MOB4: variants seen among roughly 807,000 people sequenced by gnomAD.
MOB4 encodes the protein MOB family member 4, phocein.
In MOB4, 4 loss-of-function variants were observed where a neutral mutation model predicts 32.2. That is an observed-to-expected ratio of 0.12 (90% confidence interval 0.06 to 0.28). MOB4 has a LOEUF of 0.28. Among genes scored for constraint, MOB4 ranks in the 10% least tolerant of loss-of-function variants. The pLI, the probability that MOB4 is intolerant of heterozygous loss-of-function variation, is 1.00. For synonymous variants in MOB4, 88 were observed against 88.1 expected (o/e 1.00, Z 0.01); for missense variants, 158 against 271.2 (o/e 0.58, Z 2.93).
Position 197,550,517 on chromosome 2 carries a change from T to C in MOB4, c.549T>C (p.Asn183=), listed in dbSNP as rs1224968499. The change falls in exon 8 of 8, where the codon AAT becomes AAC. Residue 183 remains asparagine, a splice_region_variant and synonymous_variant. Coordinates refer to ENST00000323303, the MANE Select transcript of MOB4 (RefSeq NM_015387.5). The stretch of plus-strand genomic sequence containing the variant: ...CATTTTTGTCTTCCTCTCTACAGAA[T>C]GAAACATTTTTGTGTCATCGGTTTA... The part of the protein sequence containing the change: ...HHRQIFDEYE[N]ETFLCHRFTK... 1 of 1,595,962 alleles carries C rather than the reference T, an allele frequency of 6.3e-7. No homozygotes were observed. Among genetic ancestry groups the C allele is most frequent in the East Asian group, 2.2e-5 (1 of 44,568 alleles).
chr2:197,517,115 A>G (rs1414972676), intron 1 of MOB4, among the ~76,000 whole-genome samples: 1 of 152,226 alleles, frequency 6.6e-6, no homozygotes, highest in East Asian at 1.9e-4. Flanking sequence ...AATTATGGAA[A>G]GAACACCTTT....
At chr2:197,548,450 T>C (rs1489092624) in intron 6 of MOB4, 35 bp downstream of exon 6, 1 of 1,413,220 alleles carries the variant, frequency 7.1e-7, no homozygotes, top group Non-Finnish European at 9.4e-7. Flanking sequence ...GTTAAACATT[T>C]TAGAGTTAAT....
intron 5 of MOB4, among the ~76,000 whole-genome samples, chr2:197,543,007 TAC>T (rs1491014851): frequency 6.8e-6 from 1 of 146,898 alleles, no homozygotes; most frequent in Non-Finnish European, 1.5e-5. Context: ...ACAAAATAAA[TAC>T]TGGATTTCGA....
intron 5 of MOB4, among the ~76,000 whole-genome samples, chr2:197,543,333 A>G (rs1296032050): frequency 6.6e-6 from 1 of 152,152 alleles, no homozygotes; most frequent in Non-Finnish European, 1.5e-5. Flanking sequence ...ACATGAAAAG[A>G]TGCTCAACAT....
intron 2 of MOB4, among the ~76,000 whole-genome samples, chr2:197,526,200 GT>G (rs2106110893): frequency 6.6e-6 from 1 of 152,256 alleles, no homozygotes; most frequent in South Asian, 2.1e-4. Context: ...TTATATTGAA[GT>G]TGTTTCCTTT....
chr2:197,543,185 TA>T (rs2086928767), intron 5 of MOB4, among the ~76,000 whole-genome samples: 1 of 151,918 alleles, frequency 6.6e-6, no homozygotes, highest in African/African-American at 2.4e-5. Flanking sequence ...TCCCAGCTAC[TA>T]GGGAGGCTGA....
intron 5 of MOB4, among the ~76,000 whole-genome samples, chr2:197,547,953 C>T (rs923498835): frequency 6.6e-6 from 1 of 151,992 alleles, no homozygotes; most frequent in Admixed American, 6.6e-5. Flanking sequence ...GGAGAAAGTT[C>T]TTTAGAGGGC....
intron 5 of MOB4, among the ~76,000 whole-genome samples, chr2:197,544,538 G>C (rs1161357838): frequency 6.6e-6 from 1 of 152,194 alleles, no homozygotes; most frequent in Non-Finnish European, 1.5e-5. Flanking sequence ...CGGATCACGA[G>C]GTCAGGAGAT....
At chr2:197,518,122 CAA>C (rs1220292789) in intron 1 of MOB4, among the ~76,000 whole-genome samples, 3 of 151,682 alleles carry the variant, frequency 2.0e-5, no homozygotes, top group East Asian at 2.0e-4. Context: ...GCCTGGGTAA[CAA>C]GAGCAAAACT....
chr2:197,538,860 C>A lies in MOB4; in HGVS notation c.225-1251C>A, dbSNP rs78980484. 9.2e-5 allele frequency among the ~76,000 whole-genome samples: 14 copies of A among 152,150 alleles called. No homozygotes were observed. The South Asian group carries it at 2.7e-3, about 29-fold the overall frequency. ...TGATAGGGGACAGTAGAGGGTGATA[C>A]GGTGATTTAGAAATAATGTTATTTT... is the stretch of plus-strand genomic sequence containing the variant. On this transcript the variant is annotated intron_variant, in intron 3 of 7. Coordinates refer to ENST00000323303, the MANE Select transcript of MOB4 (RefSeq NM_015387.5).
At position 197,550,844 on chromosome 2, in the gene MOB4, G is replaced by C. The variant is rs2087086650; in HGVS notation, c.*198G>C. ...GTATATTCACCAGTGTGGCACTCATGGTTTTTAAATAAGATTAGTATTATC... is the reference window on the plus strand; with the variant it reads ...GTATATTCACCAGTGTGGCACTCATCGTTTTTAAATAAGATTAGTATTATC... On this transcript the variant is annotated 3_prime_UTR_variant, in exon 8 of 8. Transcript: ENST00000323303. The C allele has an allele frequency of 2.3e-6, 1 of 443,514 alleles. No homozygotes were observed. The highest frequency in any genetic ancestry group is 3.5e-6 in the Non-Finnish European group (1 of 287,664). 27.5% of individuals were successfully genotyped at this position (443,514 alleles called of 1,614,324 possible).
At chr2:197,530,809 A>G (rs866838884) in intron 2 of MOB4, among the ~76,000 whole-genome samples, 2 of 151,850 alleles carry the variant, frequency 1.3e-5, no homozygotes, top group Non-Finnish European at 2.9e-5. Context: ...GTGTTGCCCA[A>G]GGTCTCTAAC....
At chr2:197,544,752 C>CAA (rs796630784) in intron 5 of MOB4, among the ~76,000 whole-genome samples, 5 of 91,186 alleles carry the variant, frequency 5.5e-5, no homozygotes, top group African/African-American at 1.3e-4. Flanking sequence ...GACTCCGTCT[C>CAA]AAAAAAAAAA....
At chr2:197,534,056 C>T (rs2086755422) in intron 2 of MOB4, 1 of 431,460 alleles carries the variant, frequency 2.3e-6, no homozygotes, top group Non-Finnish European at 4.5e-6. Context: ...TCACCATCAT[C>T]TGGACAGTTG....
At chr2:197,536,595 C>CTTTT (rs71012981) in intron 3 of MOB4, among the ~76,000 whole-genome samples, 4 of 55,378 alleles carry the variant, frequency 7.2e-5, no homozygotes, top group Admixed American at 2.8e-4. Flanking sequence ...CATCTTTTGT[C>CTTTT]TTTTTTTTTT....
At chr2:197,536,595 C>CTTTTTT (rs71012981) in intron 3 of MOB4, among the ~76,000 whole-genome samples, 42 of 55,324 alleles carry the variant, frequency 7.6e-4, no homozygotes, top group Non-Finnish European at 7.4e-4. Context: ...CATCTTTTGT[C>CTTTTTT]TTTTTTTTTT....
chr2:197,523,905 A>G (rs2086564189), intron 2 of MOB4, among the ~76,000 whole-genome samples: 1 of 152,240 alleles, frequency 6.6e-6, no homozygotes, highest in Admixed American at 6.5e-5. Flanking sequence ...TCGCATAGAG[A>G]AGATTCCACT....
chr2:197,530,002 C>T (rs1279819700), intron 2 of MOB4, among the ~76,000 whole-genome samples: 1 of 152,094 alleles, frequency 6.6e-6, no homozygotes, highest in Admixed American at 6.5e-5. Flanking sequence ...TGGAGTCTCA[C>T]TCTGTCTCCC....
chr2:197,549,165 T>TTG (rs2087050566), intron 6 of MOB4, among the ~76,000 whole-genome samples: 1 of 151,762 alleles, frequency 6.6e-6, no homozygotes. Flanking sequence ...GAGGCAGAGG[T>TTG]TGTGGTGAGC....
Sources: gnomAD v4.1 joint callset for allele counts (sites outside exome capture counted in the v4.1 genomes callset) on GRCh38, gnomAD v4.1.1 for gene constraint, MANE v1.5 for transcripts, NCBI Gene and HGNC (gene_info 2026-07-23, HGNC 2026-07-21) for gene names.